The following ROBO2 variants were observed in gnomAD, a reference collection of about 807,000 sequenced individuals.
The protein encoded by ROBO2 is roundabout homolog 2.
In ROBO2, 53 loss-of-function variants were observed where a neutral mutation model predicts 160.8. That is an observed-to-expected ratio of 0.33 (90% CI 0.26 to 0.41). The LOEUF (loss-of-function observed/expected upper bound fraction) is 0.41, where lower values mean the gene tolerates loss of function less well. Among genes scored for constraint, ROBO2 ranks in the 10% least tolerant of loss-of-function variants. The pLI is 1.00. For missense variants in ROBO2, 1,577 were observed against 1,722.4 expected, an observed-to-expected ratio of 0.92 and a Z score of 1.49; for synonymous variants, 664 against 611.7, an observed-to-expected ratio of 1.09 and a Z score of -1.26.
chr3:77,283,567 A>G (rs2060387508), intron 2 of ROBO2, among the ~76,000 whole-genome samples: 1 of 152,172 alleles, frequency 6.6e-6, no homozygotes, highest in Admixed American at 6.5e-5. Flanking sequence ...TCAAAGTTAC[A>G]TATTTAAATA....
chr3:76,745,028 T>C (rs1408133479), intron 2 of ROBO2, among the ~76,000 whole-genome samples: 1 of 152,186 alleles, frequency 6.6e-6, no homozygotes, highest in Admixed American at 6.5e-5. Context: ...TTCTGTAAAA[T>C]TGTCCCTTGC....
chr3:76,887,567 C>G (rs1374087635), intron 2 of ROBO2, among the ~76,000 whole-genome samples: 1 of 151,874 alleles, frequency 6.6e-6, no homozygotes, highest in Non-Finnish European at 1.5e-5. Flanking sequence ...CACTGCCATC[C>G]CCGTCCTCTT....
chr3:77,367,169 A>G (rs921661533), intron 2 of ROBO2, among the ~76,000 whole-genome samples: 13 of 152,178 alleles, frequency 8.5e-5, no homozygotes, highest in Non-Finnish European at 1.9e-4. Context: ...TGGAACTGCA[A>G]GACCACCAGG....
chr3:76,389,608 A>AT (rs1387851237), intron 2 of ROBO2, among the ~76,000 whole-genome samples: 1 of 152,186 alleles, frequency 6.6e-6, no homozygotes, highest in African/African-American at 2.4e-5. Context: ...AGTGTTACTG[A>AT]TAAAAAAAAG....
Position 76,182,508 on chromosome 3 carries a change from C to T in ROBO2, c.109+244906C>T, listed in dbSNP as rs530797991. ...GTGTTACCCTACTTAGTGATTAGAA[C>T]TTCTAGGCCTTGCTAAAATATTGAT... On this transcript the variant is annotated intron_variant, in intron 2 of 26. Coordinates refer to the ROBO2 transcript ENST00000487694. Among the ~76,000 whole-genome samples the T allele has an allele frequency of 2.6e-5, 4 of 152,190 alleles. No individual in the cohort carries two copies. The East Asian group carries it at 7.7e-4, about 29-fold the overall frequency.
chr3:77,324,153 C>T (rs2065111203), intron 2 of ROBO2, among the ~76,000 whole-genome samples: 1 of 152,054 alleles, frequency 6.6e-6, no homozygotes, highest in Non-Finnish European at 1.5e-5. Flanking sequence ...ACACAGTCTC[C>T]ATGATAAAAG....
chr3:76,479,332 A>G (rs924097164), intron 2 of ROBO2, among the ~76,000 whole-genome samples: 9 of 152,128 alleles, frequency 5.9e-5, no homozygotes, highest in Admixed American at 2.0e-4. Context: ...CTGTGCTTTT[A>G]TGTGTTTGGA....
chr3:76,041,893 A>C (rs1391066322), intron 2 of ROBO2, among the ~76,000 whole-genome samples: 2 of 151,910 alleles, frequency 1.3e-5, no homozygotes, highest in Non-Finnish European at 2.9e-5. Flanking sequence ...ATGTACTTCA[A>C]GTTTAAAAGA....
chr3:77,479,440 CAAGTGG>C (rs1408550572), intron 3 of ROBO2, among the ~76,000 whole-genome samples: 3 of 152,014 alleles, frequency 2.0e-5, no homozygotes, highest in African/African-American at 4.8e-5. Context: ...GTTCTTGGGG[CAAGTGG>C]AGGGGAGAAA....
At chr3:75,956,110 A>T (rs1177244562) in intron 2 of ROBO2, among the ~76,000 whole-genome samples, 1 of 151,760 alleles carries the variant, frequency 6.6e-6, no homozygotes, top group Non-Finnish European at 1.5e-5. Flanking sequence ...GAATTATGTC[A>T]AATTTATCTA....
chr3:75,927,491 C>A (rs1340386524), intron 1 of ROBO2, among the ~76,000 whole-genome samples: 1 of 152,104 alleles, frequency 6.6e-6, no homozygotes, highest in Non-Finnish European at 1.5e-5. Flanking sequence ...AGCAACTAAG[C>A]CAACCAATTT....
chr3:76,208,613 A>G (rs1005823380), intron 2 of ROBO2, among the ~76,000 whole-genome samples: 9 of 152,130 alleles, frequency 5.9e-5, no homozygotes, highest in Non-Finnish European at 1.2e-4. Flanking sequence ...ATCTGAGAAA[A>G]TAATCTGCCA....
intron 2 of ROBO2, among the ~76,000 whole-genome samples, chr3:77,357,995 A>C (rs28489786): frequency 0.31 from 47,718 of 152,016 alleles, 7,982 homozygotes; most frequent in Non-Finnish European, 0.38. Flanking sequence ...CTTCTCAGGA[A>C]GATCCTGTTT....
At chr3:76,878,503 A>G (rs1036708350) in intron 2 of ROBO2, among the ~76,000 whole-genome samples, 3 of 152,220 alleles carry the variant, frequency 2.0e-5, no homozygotes, top group African/African-American at 7.2e-5. Context: ...AATAAATGAA[A>G]TATGATCTGA....
intron 2 of ROBO2, among the ~76,000 whole-genome samples, chr3:77,209,445 T>C (rs556773865): frequency 2.6e-4 from 39 of 152,168 alleles, no homozygotes; most frequent in African/African-American, 9.4e-4. Context: ...AAAAAAGCAA[T>C]AAAATGGAAA....
chr3:76,021,608 G>T (rs2107664767), intron 2 of ROBO2, among the ~76,000 whole-genome samples: 2 of 151,858 alleles, frequency 1.3e-5, no homozygotes, highest in Admixed American at 6.6e-5. Flanking sequence ...CAAATTTGTT[G>T]GTTTTCCAAT....
chr3:76,241,119 C>G (rs780256030), intron 2 of ROBO2, among the ~76,000 whole-genome samples: 12 of 152,164 alleles, frequency 7.9e-5, no homozygotes, highest in Non-Finnish European at 1.6e-4. Flanking sequence ...ATGGTCACCT[C>G]TTGGTAGCGT....
At chr3:76,994,390 T>C (rs1176464117) in intron 2 of ROBO2, among the ~76,000 whole-genome samples, 1 of 151,814 alleles carries the variant, frequency 6.6e-6, no homozygotes, top group Non-Finnish European at 1.5e-5. Flanking sequence ...TTTAAACTTT[T>C]TACTGCATTG....
At position 77,098,476 on chromosome 3, in the gene ROBO2, A is replaced by G. The variant is rs1170149262; in HGVS notation, c.388+136A>G. 1.8e-5 allele frequency: 16 copies of G among 886,672 alleles called. No homozygotes were observed. The East Asian group carries it at 4.0e-4, about 22-fold the overall frequency. The allele number at this position is 886,672 out of a possible 1,614,324, so 54.9% of individuals were successfully genotyped here. A position where few individuals can be genotyped will look rare whatever the true frequency, so the allele number is the denominator to read the frequency against. ...TAATTTTACTTGGTCTTCTTCAGAG[A>G]AGTCTGGTCAAGATAGTATCAAGCC... On this transcript the variant is annotated intron_variant, in intron 2 of 25. Transcript: ENST00000461745.
Sources: gnomAD v4.1 joint callset for allele counts (sites outside exome capture counted in the v4.1 genomes callset) on GRCh38, gnomAD v4.1.1 for gene constraint, MANE v1.5 for transcripts, NCBI Gene and HGNC (gene_info 2026-07-23, HGNC 2026-07-21) for gene names.